Variants in NCKAP5 observed in about 807,000 individuals in gnomAD.
The protein encoded by NCKAP5 is NCK associated protein 5.
NCKAP5 carries 92 observed loss-of-function variants against 167.0 expected under a neutral mutation model. The ratio of observed to expected loss-of-function variants is 0.55; its 90% CI spans 0.47 to 0.66. The LOEUF is 0.66. NCKAP5 is among the 30% of genes least tolerant of loss of function. The pLI, the probability that NCKAP5 is intolerant of heterozygous loss-of-function variation, is 0.00. For synonymous variants in NCKAP5, 891 were observed against 877.4 expected (o/e 1.02, Z -0.27); for missense variants, 2,378 against 2,315.0 (o/e 1.03, Z -0.56).
intron 3 of NCKAP5, among the ~76,000 whole-genome samples, chr2:133,442,469 G>A (rs143844780): frequency 6.6e-6 from 1 of 152,296 alleles, no homozygotes; most frequent in African/African-American, 2.4e-5. Context: ...CGCACCAGGG[G>A]TTCTCAACTA....
chr2:133,654,110 G>A, the NCKAP5 span, among the ~76,000 whole-genome samples: 10 of 152,154 alleles, frequency 6.6e-5, no homozygotes, highest in South Asian at 2.1e-4. Flanking sequence ...TCAGCTGGGC[G>A]CGCTGGCTCA....
chr2:133,541,238 G>A (rs1686207277), intron 2 of NCKAP5, among the ~76,000 whole-genome samples: 1 of 151,308 alleles, frequency 6.6e-6, no homozygotes, highest in East Asian at 2.0e-4. Flanking sequence ...TTGTCTCATT[G>A]TCTTTCCTAC....
At chr2:133,316,521 G>A (rs1034576276) in intron 3 of NCKAP5, among the ~76,000 whole-genome samples, 1 of 152,164 alleles carries the variant, frequency 6.6e-6, no homozygotes, top group African/African-American at 2.4e-5. Flanking sequence ...GCAGTGTGAG[G>A]AGATTATACA....
chr2:133,154,909 T>C (rs1381146774), intron 5 of NCKAP5, among the ~76,000 whole-genome samples: 1 of 152,228 alleles, frequency 6.6e-6, no homozygotes, highest in Non-Finnish European at 1.5e-5. Flanking sequence ...AAATCACAGA[T>C]GCAACCCACC....
chr2:133,103,052 C>T (rs1361240752), intron 6 of NCKAP5, among the ~76,000 whole-genome samples: 1 of 152,058 alleles, frequency 6.6e-6, no homozygotes, highest in Non-Finnish European at 1.5e-5. Flanking sequence ...TTCTAGAGTG[C>T]TAAAAACTCA....
chr2:133,397,195 C>G (rs936719557), intron 3 of NCKAP5, among the ~76,000 whole-genome samples: 3 of 152,210 alleles, frequency 2.0e-5, no homozygotes, highest in African/African-American at 4.8e-5. Context: ...TCTGAACACT[C>G]TCTCTTCCCA....
rs750093461 is a variant in NCKAP5, at chr2:132,731,944, C to G, written c.5236G>C (p.Glu1746Gln). 1.9e-6 allele frequency: 3 copies of G among 1,613,888 alleles called. No homozygotes were observed. Residue 1746 changes from glutamate to glutamine, a missense_variant, in exon 17 of 20, where the codon GAG (glutamate) becomes CAG (glutamine). Coordinates refer to ENST00000409261, the MANE Select transcript of NCKAP5 (RefSeq NM_207363.3). ...GRYLCQPDSP[E>Q]DAEPLLPLQS... ...AGAGGCAGGAGAGGCTCAGCGTCCT[C>G]TGGGGAGTCTGGCTGGCATAGGTAG... is the stretch of plus-strand genomic sequence containing the variant.
At chr2:133,671,118 G>A in the NCKAP5 span, among the ~76,000 whole-genome samples, 3 of 151,124 alleles carry the variant, frequency 2.0e-5, no homozygotes, top group Admixed American at 1.3e-4. Context: ...GGGAGGCTGA[G>A]GCAGGGGAAT....
chr2:133,468,128 G>C lies in NCKAP5; in HGVS notation c.69+49330C>G, dbSNP rs1692742709. On this transcript the variant is annotated intron_variant, in intron 3 of 19. Coordinates refer to ENST00000409261, the MANE Select transcript of NCKAP5 (RefSeq NM_207363.3). ...AGGGTGTCAATTTTGGATCTTTCCT[G>C]CTTTCTCTTGTGGGCATTTAGTGCT... 1.5e-5 allele frequency among the ~76,000 whole-genome samples: 2 copies of C among 135,336 alleles called. 1 individual carries two copies. The highest frequency in any genetic ancestry group is 4.8e-4 in the South Asian group (2 of 4,174). 88.8% of individuals were successfully genotyped at this position (135,336 alleles called of 152,430 possible).
the NCKAP5 span, among the ~76,000 whole-genome samples, chr2:133,606,009 A>G: frequency 6.6e-6 from 1 of 152,210 alleles, no homozygotes; most frequent in African/African-American, 2.4e-5. Context: ...TGCCACAATT[A>G]CATCAGCAGG....
At chr2:133,533,913 T>C (rs907349229) in intron 2 of NCKAP5, among the ~76,000 whole-genome samples, 2 of 152,316 alleles carry the variant, frequency 1.3e-5, no homozygotes, top group South Asian at 2.1e-4. Context: ...AATCTTTCAG[T>C]TGTCTATATG....
At chr2:132,740,757 GA>G (rs1420404279) in intron 16 of NCKAP5, among the ~76,000 whole-genome samples, 4 of 152,134 alleles carry the variant, frequency 2.6e-5, no homozygotes, top group African/African-American at 9.6e-5. Flanking sequence ...CTGTCTTTGG[GA>G]TAATGGAAGA....
Position 132,783,492 on chromosome 2 carries a change from C to T in NCKAP5, c.3319G>A (p.Val1107Ile), listed in dbSNP as rs913153518. 6.2e-7 allele frequency: 1 copy of T among 1,605,766 alleles called. No homozygotes were observed. Among genetic ancestry groups the T allele is most frequent in the Non-Finnish European group, 8.5e-7 (1 of 1,176,100 alleles). The change falls in exon 14 of 20, where the codon GTA becomes ATA. Residue 1107 changes from valine to isoleucine, a missense_variant. Physicochemically the swap from Val to Ile is conservative, Grantham distance 29. Around this residue, in one of 3 missense-constraint regions of NCKAP5, gnomAD observed 1,325 missense variants for 1,274.5 expected, o/e 1.04. Transcript: ENST00000409261. ...ACCTGAGATGATGGTGACTCATTTA[C>T]CCCTAAGAAGGAAGGCTTGGGGGGT... ...STPPKPSFLG[V>I]NESPSSQVSS...
chr2:133,649,252 C>A, the NCKAP5 span, among the ~76,000 whole-genome samples: 1 of 149,734 alleles, frequency 6.7e-6, no homozygotes, highest in African/African-American at 2.5e-5. Context: ...ATCACAATCT[C>A]CTAACAAAGA....
the NCKAP5 span, among the ~76,000 whole-genome samples, chr2:133,604,239 T>G: frequency 6.6e-6 from 1 of 152,084 alleles, no homozygotes; most frequent in Non-Finnish European, 1.5e-5. Context: ...AGAATCTCGC[T>G]CTGTCGCCCA....
intron 4 of NCKAP5, among the ~76,000 whole-genome samples, chr2:133,278,635 T>C (rs1322902683): frequency 6.6e-6 from 1 of 152,090 alleles, no homozygotes. Flanking sequence ...TTTTTGTGGG[T>C]AATTATTTTT....
intron 3 of NCKAP5, among the ~76,000 whole-genome samples, chr2:133,399,157 G>T (rs1687939323): frequency 6.6e-6 from 1 of 152,136 alleles, no homozygotes; most frequent in Non-Finnish European, 1.5e-5. Context: ...ATTTTAGGCA[G>T]CCCTGATGAG....
chr2:133,230,121 C>T (rs116501173), intron 4 of NCKAP5, among the ~76,000 whole-genome samples: 2,469 of 152,262 alleles, frequency 0.016, 61 homozygotes, highest in South Asian at 0.057. Flanking sequence ...AAGAGCCAGA[C>T]AAGATCTGCC....
Position 132,842,581 on chromosome 2 carries a change from C to A in NCKAP5, c.807+17911G>T, listed in dbSNP as rs189268366. Among the ~76,000 whole-genome samples the A allele has an allele frequency of 5.2e-3, 784 of 151,904 alleles. 6 individuals are homozygous for A. Among genetic ancestry groups the A allele is most frequent in the Non-Finnish European group, 7.5e-3 (511 of 67,972 alleles). On this transcript the variant is annotated intron_variant, in intron 11 of 19. Transcript: ENST00000409261. The stretch of plus-strand genomic sequence containing the variant: ...TTTTAAATCCTTTCTGAGACAGGGT[C>A]TCACCCTGTCACCCAGGCTGGAGTA...
Sources: allele counts gnomAD v4.1 joint callset (sites outside exome capture counted in the v4.1 genomes callset), GRCh38; gene constraint gnomAD v4.1.1; regional missense constraint gnomAD v4.1.1; transcripts MANE v1.5; gene names NCBI Gene and HGNC (gene_info 2026-07-23, HGNC 2026-07-21).